RAP1GAP2: variants seen among roughly 807,000 people sequenced by gnomAD.
RAP1GAP2 encodes RAP1 GTPase activating protein 2.
Under a neutral mutation model 95.0 loss-of-function variants are expected in RAP1GAP2, and 27 were observed. That is an observed-to-expected ratio of 0.28 (90% CI 0.21 to 0.39). The LOEUF is 0.39. Among genes scored for constraint, RAP1GAP2 ranks in the 10% least tolerant of loss-of-function variants. The pLI, the probability that RAP1GAP2 is intolerant of heterozygous loss-of-function variation, is 1.00. For missense variants in RAP1GAP2, 771 were observed against 970.0 expected, an observed-to-expected ratio of 0.79 and a Z score of 2.72; for synonymous variants, 373 against 380.9, an observed-to-expected ratio of 0.98 and a Z score of 0.24.
intron 24 of RAP1GAP2, among the ~76,000 whole-genome samples, chr17:3,032,708 GT>G (rs1212030962): frequency 1.3e-5 from 2 of 151,940 alleles, no homozygotes; most frequent in African/African-American, 4.8e-5. Context: ...ATGGGGTCTG[GT>G]TCCCGCAGGC....
At chr17:2,873,474 CAAAAAAAAAAAAAAAAAAAAA>C (rs71153308) in intron 2 of RAP1GAP2, among the ~76,000 whole-genome samples, 13 of 11,398 alleles carry the variant, frequency 1.1e-3, no homozygotes, top group South Asian at 6.3e-3. Flanking sequence ...GACCCTGTCT[CAAAAAAAAAAAAAAAAAAAAA>C]AAAAAAAAAA....
intron 3 of RAP1GAP2, among the ~76,000 whole-genome samples, chr17:2,948,535 G>T (rs1324062660): frequency 2.6e-5 from 4 of 151,512 alleles, no homozygotes; most frequent in Non-Finnish European, 5.9e-5. Flanking sequence ...GGCAGGGAGG[G>T]CACAGGGTGG....
chr17:3,017,626 A>ATG (rs2046812467), intron 17 of RAP1GAP2, among the ~76,000 whole-genome samples: 1 of 152,206 alleles, frequency 6.6e-6, no homozygotes, highest in Non-Finnish European at 1.5e-5. Context: ...CCCCACCACG[A>ATG]TGCTGGGTGT....
At chr17:2,873,822 G>A (rs2072962212) in intron 2 of RAP1GAP2, among the ~76,000 whole-genome samples, 1 of 152,104 alleles carries the variant, frequency 6.6e-6, no homozygotes, top group Non-Finnish European at 1.5e-5. Context: ...GAGTGCAGTG[G>A]CGCGATCTCA....
intron 19 of RAP1GAP2, among the ~76,000 whole-genome samples, chr17:3,021,780 C>T (rs1201034185): frequency 1.3e-5 from 2 of 152,204 alleles, no homozygotes; most frequent in Non-Finnish European, 2.9e-5. Flanking sequence ...ACATAATGAC[C>T]TCCAATTCTA....
intron 10 of RAP1GAP2, among the ~76,000 whole-genome samples, chr17:2,981,875 A>T (rs1330397955): frequency 6.6e-6 from 1 of 152,210 alleles, no homozygotes; most frequent in African/African-American, 2.4e-5. Context: ...TCACCCATGG[A>T]CAGTGAATTG....
intron 3 of RAP1GAP2, among the ~76,000 whole-genome samples, chr17:2,943,827 C>T (rs552660280): frequency 1.4e-4 from 22 of 151,798 alleles, no homozygotes; most frequent in Non-Finnish European, 3.1e-4. Context: ...GATATATCAC[C>T]TCAGACCTGT....
chr17:2,805,287 T>C (rs1396811247), intron 2 of RAP1GAP2, among the ~76,000 whole-genome samples: 2 of 152,076 alleles, frequency 1.3e-5, no homozygotes, highest in Non-Finnish European at 2.9e-5. Context: ...GGGGTTTTCT[T>C]GTGGAGCTCC....
chr17:2,875,370 A>G (rs1201245911), intron 2 of RAP1GAP2, among the ~76,000 whole-genome samples: 1 of 152,080 alleles, frequency 6.6e-6, no homozygotes, highest in African/African-American at 2.4e-5. Context: ...CCCGGCCACA[A>G]GCAGGTTTGT....
intron 3 of RAP1GAP2, among the ~76,000 whole-genome samples, chr17:2,947,504 T>C (rs1476286977): frequency 3.3e-5 from 5 of 152,226 alleles, no homozygotes; most frequent in African/African-American, 1.2e-4. Context: ...CTTCGTTGCA[T>C]CTTGCTTAGC....
intron 3 of RAP1GAP2, among the ~76,000 whole-genome samples, chr17:2,957,194 G>C (rs1319636912): frequency 1.3e-5 from 2 of 151,832 alleles, no homozygotes; most frequent in Non-Finnish European, 2.9e-5. Flanking sequence ...ATGGTGTTCA[G>C]GCTTTGCTTC....
chr17:2,907,242 C>G (rs979920695), intron 3 of RAP1GAP2, among the ~76,000 whole-genome samples: 2 of 152,162 alleles, frequency 1.3e-5, no homozygotes, highest in African/African-American at 4.8e-5. Flanking sequence ...CCCACCTAAA[C>G]CATAAGAACT....
In RAP1GAP2 at chr17:3,010,079, C is replaced by T. The variant is rs575383662; in HGVS notation, c.1494+1934C>T. On this transcript the variant is annotated intron_variant, in intron 17 of 24. Coordinates refer to ENST00000254695, the MANE Select transcript of RAP1GAP2 (RefSeq NM_015085.5). Reference sequence around the variant, plus strand: ...AGGTGAGGCCAGGTGCCGTGCCTCACGCCTGTAATCCCAGCACTTTGGGAG... The same window carrying T: ...AGGTGAGGCCAGGTGCCGTGCCTCATGCCTGTAATCCCAGCACTTTGGGAG... Among the ~76,000 whole-genome samples the T allele has an allele frequency of 1.1e-4, 17 of 152,244 alleles. No homozygotes were observed. In the East Asian group the frequency reaches 2.7e-3, roughly 24 times the overall value.
At chr17:2,976,608 T>C (rs569732315) in intron 8 of RAP1GAP2, among the ~76,000 whole-genome samples, 123 of 151,428 alleles carry the variant, frequency 8.1e-4, no homozygotes, top group African/African-American at 2.8e-3. Context: ...AAAGATTAAA[T>C]GAGTAAGTAT....
chr17:2,809,661 C>G (rs1173190718), intron 2 of RAP1GAP2, among the ~76,000 whole-genome samples: 1 of 152,196 alleles, frequency 6.6e-6, no homozygotes, highest in East Asian at 1.9e-4. Flanking sequence ...CCAGAGGGCT[C>G]TGCCCGGCTC....
At chr17:2,841,338 C>G (rs896111501) in intron 2 of RAP1GAP2, among the ~76,000 whole-genome samples, 1 of 128,992 alleles carries the variant, frequency 7.8e-6, no homozygotes, top group Non-Finnish European at 1.6e-5. Flanking sequence ...GAGTCTTGCT[C>G]TGTCGCCCAG....
chr17:2,756,877 G>A (rs554645874), intron 1 of RAP1GAP2, among the ~76,000 whole-genome samples: 1 of 152,124 alleles, frequency 6.6e-6, no homozygotes, highest in Non-Finnish European at 1.5e-5. Flanking sequence ...CCCAACAAGC[G>A]CATGGTAGAG....
rs530562082 is a variant in RAP1GAP2, at chr17:3,033,307, C to G, written c.*31-85C>G. 1.3e-5 allele frequency: 2 copies of G among 152,688 alleles called. No homozygotes were observed. Among genetic ancestry groups the G allele is most frequent in the African/African-American group, 4.8e-5 (2 of 41,424 alleles). The allele number at this position is 152,688 out of a possible 1,614,324, so 9.5% of individuals were successfully genotyped here. A position where few individuals can be genotyped will look rare whatever the true frequency, so the allele number is the denominator to read the frequency against. On this transcript the variant is annotated intron_variant, in intron 24 of 24. Transcript: ENST00000254695. This position sits in a 1 kb window ranked among gnomAD's most constrained non-coding sequence, Gnocchi z 4.9. ...CTGTAGCCATGGGCAGGCGTGTTCC[C>G]CACCCCTTGCTCCCGACGTCCGCGT...
chr17:2,824,712 C>T (rs536450342), intron 2 of RAP1GAP2, among the ~76,000 whole-genome samples: 380 of 147,834 alleles, frequency 2.6e-3, no homozygotes, highest in Non-Finnish European at 4.7e-3. Context: ...TGCACTCCAG[C>T]CTGGGTGACA....
Sources: gnomAD v4.1 joint callset for allele counts (sites outside exome capture counted in the v4.1 genomes callset) on GRCh38, gnomAD v4.1.1 for gene constraint, Gnocchi (gnomAD v3.1) non-coding constraint, MANE v1.5 for transcripts, NCBI Gene and HGNC (gene_info 2026-07-23, HGNC 2026-07-21) for gene names.